TUSC3: variants seen among roughly 807,000 people sequenced by gnomAD.
TUSC3 encodes dolichyl-diphosphooligosaccharide--protein glycosyltransferase subunit TUSC3.
A neutral mutation model predicts 44.8 loss-of-function variants in TUSC3; 45 were observed. The observed-to-expected ratio is 1.00, with a 90% CI of 0.79 to 1.29. TUSC3 has a LOEUF of 1.29. Among genes scored for constraint, TUSC3 ranks in the 50% most tolerant of loss-of-function variants. The probability of loss-of-function intolerance (pLI) is 0.00; values close to 1 mark genes in which losing one functional copy is unlikely to be tolerated. For synonymous variants in TUSC3, 212 were observed against 152.9 expected (o/e 1.39, Z -2.85); for missense variants, 519 against 437.9 (o/e 1.19, Z -1.65).
intron 6 of TUSC3, among the ~76,000 whole-genome samples, chr8:15,694,710 G>C (rs1809082076): frequency 6.6e-6 from 1 of 152,150 alleles, no homozygotes; most frequent in Non-Finnish European, 1.5e-5. Flanking sequence ...CCATGGCTTA[G>C]CTCAGGACTC....
intron 9 of TUSC3, 140 bp downstream of exon 9, chr8:15,748,605 G>GC: frequency 1.2e-6 from 1 of 800,094 alleles, no homozygotes; most frequent in Middle Eastern, 2.2e-4. Context: ...TTGAGCACCT[G>GC]CCATGTGTTC....
chr8:15,723,247 C>T (rs984062138), intron 6 of TUSC3, among the ~76,000 whole-genome samples: 1 of 152,122 alleles, frequency 6.6e-6, no homozygotes, highest in Non-Finnish European at 1.5e-5. Context: ...GTAAGTTCAG[C>T]AGAGACATTG....
intron 5 of TUSC3, among the ~76,000 whole-genome samples, chr8:15,664,437 TTTATTATTATTATTATTA>T (rs56049201): frequency 0.066 from 9,454 of 143,846 alleles, 493 homozygotes; most frequent in East Asian, 0.18. Context: ...GTTATACAGA[TTTATTATTATTATTATTA>T]TTATTATTAT....
At chr8:15,457,120 G>T (rs1245479974) in intron 1 of TUSC3, among the ~76,000 whole-genome samples, 3 of 142,248 alleles carry the variant, frequency 2.1e-5, no homozygotes, top group Admixed American at 7.5e-5. Context: ...TGAACAATGA[G>T]AACACATGGA....
chr8:15,625,088 AT>A (rs1042737440), intron 2 of TUSC3, among the ~76,000 whole-genome samples: 19 of 152,058 alleles, frequency 1.2e-4, no homozygotes, highest in African/African-American at 4.3e-4. Context: ...CATTAAAAAA[AT>A]TTTTTTTGTT....
At chr8:15,446,139 C>T (rs1048857532) in intron 1 of TUSC3, among the ~76,000 whole-genome samples, 10 of 151,544 alleles carry the variant, frequency 6.6e-5, no homozygotes, top group East Asian at 2.0e-4. Context: ...GGGTCGCGGC[C>T]GGGCAGAGGC....
chr8:15,806,198 A>G, the TUSC3 span: 2 of 496,420 alleles, frequency 4.0e-6, no homozygotes, highest in Admixed American at 5.9e-5. Context: ...TTTTATAAAG[A>G]TTCCGTCTTT....
At chr8:15,671,215 A>C (rs1266486875) in intron 5 of TUSC3, among the ~76,000 whole-genome samples, 1 of 151,998 alleles carries the variant, frequency 6.6e-6, no homozygotes, top group Non-Finnish European at 1.5e-5. Flanking sequence ...TATGTAGATT[A>C]TGATTAGGAA....
chr8:15,463,950 A>C (rs1163441737), intron 1 of TUSC3, among the ~76,000 whole-genome samples: 1 of 152,208 alleles, frequency 6.6e-6, no homozygotes, highest in Non-Finnish European at 1.5e-5. Context: ...TTTCTTTAGC[A>C]GCATTCCTTG....
Position 15,764,184 on chromosome 8 carries a change from AATT to A in TUSC3, c.*47-18_*47-16del. ...TTATGTTCTATGTTCAGCACATAAT[AATT>A]TTCTTTCTTTTTCAGCTTTTTAATT... On this transcript the variant is annotated splice_polypyrimidine_tract_variant and intron_variant, in intron 10 of 10. Transcript: ENST00000503731. 6.3e-7 allele frequency: 1 copy of A among 1,596,458 alleles called. No individual in the cohort carries two copies. Among genetic ancestry groups the A allele is most frequent in the South Asian group, 1.1e-5 (1 of 90,536 alleles).
intron 2 of TUSC3, among the ~76,000 whole-genome samples, chr8:15,487,488 G>A (rs1351571963): frequency 2.0e-5 from 3 of 152,186 alleles, no homozygotes; most frequent in South Asian, 2.1e-4. Flanking sequence ...GTTGAACAAA[G>A]CACAATTAAT....
intron 2 of TUSC3, among the ~76,000 whole-genome samples, chr8:15,507,945 C>T (rs1443178862): frequency 1.3e-5 from 2 of 152,026 alleles, no homozygotes; most frequent in African/African-American, 4.8e-5. Flanking sequence ...AAAGATGAGT[C>T]AAAACTTGCT....
chr8:15,423,969 G>GTTTTTTTTTT lies in TUSC3; in HGVS notation n.91+6693_91+6702dup, dbSNP rs112397215. Reference sequence around the variant, plus strand: ...TACAGCATTCATACTGTTTTGCTTTGTTTTTTTTTTTTTTTTTTTTTTTTT... The same window carrying GTTTTTTTTTT: ...TACAGCATTCATACTGTTTTGCTTTGTTTTTTTTTTTTTTTTTTTTTTTTTTTTTTTTTTT... On this transcript the variant is annotated intron_variant and non_coding_transcript_variant, in intron 1 of 5. Coordinates refer to the TUSC3 transcript ENST00000503191. Among the ~76,000 whole-genome samples, 55 of 70,368 alleles carry GTTTTTTTTTT rather than the reference G, an allele frequency of 7.8e-4. 6 individuals are homozygous for GTTTTTTTTTT. The highest frequency in any genetic ancestry group is 1.1e-3 in the East Asian group (2 of 1,812). The allele number at this position is 70,368 out of a possible 152,430, so 46.2% of individuals were successfully genotyped here.
At chr8:15,702,074 A>G (rs1475041717) in intron 6 of TUSC3, among the ~76,000 whole-genome samples, 1 of 152,166 alleles carries the variant, frequency 6.6e-6, no homozygotes, top group African/African-American at 2.4e-5. Flanking sequence ...TGGAAGAGCC[A>G]TTATGTAAGA....
intron 1 of TUSC3, among the ~76,000 whole-genome samples, chr8:15,436,574 G>A (rs374719380): frequency 1.8e-4 from 27 of 152,264 alleles, no homozygotes; most frequent in South Asian, 4.1e-4. Flanking sequence ...CATATAAACC[G>A]TATGGAGTAC....
chr8:15,749,413 A>G (rs764733312), intron 9 of TUSC3, among the ~76,000 whole-genome samples: 2 of 152,120 alleles, frequency 1.3e-5, no homozygotes, highest in Non-Finnish European at 2.9e-5. Context: ...ATTATAATAC[A>G]AGAATAAGAC....
Position 15,670,093 on chromosome 8 carries a change from A to G in TUSC3, c.709-3654A>G, listed in dbSNP as rs372210734. Among the ~76,000 whole-genome samples, 8 of 152,048 alleles carry G rather than the reference A, an allele frequency of 5.3e-5. No individual in the cohort carries two copies. In the South Asian group the frequency reaches 1.2e-3, roughly 24 times the overall value. ...ATGCACACTGAAAACTGAAAAATCT[A>G]TTCAAATAAATTTTTTAAAAACTTA... On this transcript the variant is annotated intron_variant, in intron 5 of 10. Transcript: ENST00000503731.
chr8:15,669,638 C>A (rs955542555), intron 5 of TUSC3, among the ~76,000 whole-genome samples: 3 of 151,718 alleles, frequency 2.0e-5, no homozygotes, highest in African/African-American at 7.3e-5. Context: ...TTGATACATG[C>A]ATATCAGCAC....
At chr8:15,574,554 T>C (rs943376670) in intron 1 of TUSC3, among the ~76,000 whole-genome samples, 1 of 152,246 alleles carries the variant, frequency 6.6e-6, no homozygotes, top group East Asian at 1.9e-4. Flanking sequence ...ACAATAGATA[T>C]TATTTAGTAA....
Sources: allele counts gnomAD v4.1 joint callset (sites outside exome capture counted in the v4.1 genomes callset), GRCh38; gene constraint gnomAD v4.1.1; transcripts MANE v1.5; gene names NCBI Gene and HGNC (gene_info 2026-07-23, HGNC 2026-07-21).